GRIK1: variants seen among roughly 807,000 people sequenced by gnomAD.
GRIK1 encodes the protein glutamate ionotropic receptor kainate type subunit 1, also known as glutamate receptor ionotropic, kainate 1.
Under a neutral mutation model 105.7 loss-of-function variants are expected in GRIK1, and 69 were observed. The observed-to-expected ratio is 0.65, with a 90% CI of 0.54 to 0.80. The LOEUF is 0.80. Ranked by LOEUF, GRIK1 falls within the 30% of genes least tolerant of loss-of-function variation. GRIK1 has a pLI of 0.00. For synonymous variants in GRIK1, 438 were observed against 431.3 expected (o/e 1.02, Z -0.19); for missense variants, 1,109 against 1,167.3 (o/e 0.95, Z 0.73).
At chr21:29,907,772 A>T (rs1208065744) in intron 1 of GRIK1, among the ~76,000 whole-genome samples, 1 of 152,170 alleles carries the variant, frequency 6.6e-6, no homozygotes, top group African/African-American at 2.4e-5. Context: ...ATGCTAGTGA[A>T]TTAAAAAACA....
chr21:29,841,760 T>C (rs2067989772), intron 1 of GRIK1, among the ~76,000 whole-genome samples: 1 of 152,190 alleles, frequency 6.6e-6, no homozygotes, highest in Admixed American at 6.5e-5. Context: ...GTTTATAGTT[T>C]TGACAAATTT....
chr21:29,904,738 T>C lies in GRIK1; in HGVS notation c.118+34645A>G, dbSNP rs4602293. ...TGTGGCAGAGCTATGGAAAGCACCC[T>C]ACCAAGGGCTGGAACCAGGAAGTGT... On this transcript the variant is annotated intron_variant, in intron 1 of 17. Transcript: ENST00000327783. Among the ~76,000 whole-genome samples, 1,123 of 152,274 alleles carry C rather than the reference T, an allele frequency of 7.4e-3. 12 individuals are homozygous for C. Among genetic ancestry groups the C allele is most frequent in the African/African-American group, 0.023 (952 of 41,546 alleles).
At chr21:29,707,448 C>CT (rs1171755410) in intron 1 of GRIK1, among the ~76,000 whole-genome samples, 4 of 93,430 alleles carry the variant, frequency 4.3e-5, no homozygotes, top group Admixed American at 1.1e-4. Context: ...CCCTCCCTCC[C>CT]TCCCTCCCTC....
At chr21:29,895,487 T>C (rs1307116611) in intron 1 of GRIK1, among the ~76,000 whole-genome samples, 1 of 152,190 alleles carries the variant, frequency 6.6e-6, no homozygotes, top group Non-Finnish European at 1.5e-5. Flanking sequence ...AAAGATTTTT[T>C]AATGGTTACA....
chr21:29,628,063 A>C (rs759922998), intron 7 of GRIK1, among the ~76,000 whole-genome samples: 7 of 152,206 alleles, frequency 4.6e-5, no homozygotes, highest in Non-Finnish European at 1.0e-4. Flanking sequence ...ATAACTGTAC[A>C]ATTACTGTCT....
intron 7 of GRIK1, among the ~76,000 whole-genome samples, chr21:29,628,248 G>A (rs901799912): frequency 6.6e-6 from 1 of 152,154 alleles, no homozygotes; most frequent in Non-Finnish European, 1.5e-5. Flanking sequence ...TTAAGCAAAG[G>A]AAGAAATGAT....
At chr21:29,638,249 G>C (rs537234687) in intron 7 of GRIK1, among the ~76,000 whole-genome samples, 2 of 152,208 alleles carry the variant, frequency 1.3e-5, no homozygotes, top group Non-Finnish European at 2.9e-5. Context: ...TGGCGGAAGG[G>C]GAAGTAGGTA....
At position 29,625,402 on chromosome 21, in the gene GRIK1, G is replaced by A. The variant is rs139128936; in HGVS notation, c.1098+17424C>T. Among the ~76,000 whole-genome samples, 167 of 152,242 alleles carry A rather than the reference G, an allele frequency of 1.1e-3. 7 individuals are homozygous for A. The East Asian group carries it at 0.03, about 28-fold the overall frequency. ...TGTTCTGGATCCTTAGTAGAGCATAGAAGGCCCTTGATTATCTGGCCTCTG... is the reference window on the plus strand; with the variant it reads ...TGTTCTGGATCCTTAGTAGAGCATAAAAGGCCCTTGATTATCTGGCCTCTG... On this transcript the variant is annotated intron_variant, in intron 7 of 17. Coordinates refer to ENST00000327783, the MANE Select transcript of GRIK1 (RefSeq NM_001330994.2).
At chr21:29,696,456 C>G (rs1452283589) in intron 1 of GRIK1, among the ~76,000 whole-genome samples, 1 of 152,184 alleles carries the variant, frequency 6.6e-6, no homozygotes, top group Non-Finnish European at 1.5e-5. Flanking sequence ...GGGAGAGACT[C>G]TGGAGTTGAT....
intron 1 of GRIK1, among the ~76,000 whole-genome samples, chr21:29,784,282 A>G (rs1397755165): frequency 6.6e-6 from 1 of 152,202 alleles, no homozygotes. Flanking sequence ...GTACAAGCTT[A>G]TTTTGTACCT....
intron 1 of GRIK1, among the ~76,000 whole-genome samples, chr21:29,856,702 T>G (rs2068474952): frequency 6.6e-6 from 1 of 152,214 alleles, no homozygotes; most frequent in East Asian, 1.9e-4. Flanking sequence ...AAAAGGCTTA[T>G]CAATAATTTA....
chr21:29,596,827 A>T lies in GRIK1; in HGVS notation c.1207-257T>A, dbSNP rs2061423395. ...CTTTCACACACCAAGAAATGCCTTA[A>T]AGTGCTTTTCAATGTATACAGGTAT... is the stretch of plus-strand genomic sequence containing the variant. On this transcript the variant is annotated intron_variant, in intron 8 of 17. Coordinates refer to ENST00000327783, the MANE Select transcript of GRIK1 (RefSeq NM_001330994.2). 3 of 498,272 alleles carry T rather than the reference A, an allele frequency of 6.0e-6. No individual in the cohort carries two copies. In the East Asian group the frequency reaches 1.1e-4, roughly 19 times the overall value. 30.9% of individuals were successfully genotyped at this position (498,272 alleles called of 1,614,324 possible).
chr21:29,592,523 T>A (rs2061347673), intron 9 of GRIK1, among the ~76,000 whole-genome samples: 1 of 152,220 alleles, frequency 6.6e-6, no homozygotes, highest in Non-Finnish European at 1.5e-5. Context: ...CCTATCTTTC[T>A]GTAGGCATTT....
In GRIK1 at chr21:29,543,216, T is replaced by TA. The variant is rs148571036; in HGVS notation, c.2608-5333dup. Among the ~76,000 whole-genome samples the TA allele has an allele frequency of 6.8e-3, 1,038 of 152,312 alleles. 15 individuals carry two copies. Among genetic ancestry groups the TA allele is most frequent in the African/African-American group, 0.024 (987 of 41,580 alleles). On this transcript the variant is annotated intron_variant, in intron 16 of 17. Transcript: ENST00000327783. ...AAAACTTCACTTCCTTAACATTTTT[T>TA]AACTCTAAGCTCTAGTGTAGGAGCA...
chr21:29,618,783 A>C (rs975310666), intron 7 of GRIK1, among the ~76,000 whole-genome samples: 1 of 152,208 alleles, frequency 6.6e-6, no homozygotes, highest in South Asian at 2.1e-4. Flanking sequence ...CAAACAATGT[A>C]TGTTCTCACT....
In GRIK1 at chr21:29,670,031, A is replaced by G. The variant is rs910855476; in HGVS notation, c.726+2952T>C. On this transcript the variant is annotated intron_variant, in intron 4 of 17. Coordinates refer to ENST00000327783, the MANE Select transcript of GRIK1 (RefSeq NM_001330994.2). ...AGCACAGCAGCCTCTGGAGGTTCCA[A>G]TGAAGCCCCATTAAGCTGACCTGAG... Among the ~76,000 whole-genome samples the G allele has an allele frequency of 5.3e-5, 8 of 152,286 alleles. No homozygotes were observed. The East Asian group carries it at 1.4e-3, about 26-fold the overall frequency.
rs892689523 is a variant in GRIK1 at position 29,787,089 on chromosome 21, T to C, written c.119-93026A>G. ...TTCAAATACATATTTACGATGTCAT[T>C]GTCTGTGCTCAAGCAGGCGATTTTA... On this transcript the variant is annotated intron_variant, in intron 1 of 17. Transcript: ENST00000327783. Among the ~76,000 whole-genome samples, 6 of 152,340 alleles carry C rather than the reference T, an allele frequency of 3.9e-5. No homozygotes were observed. The South Asian group carries it at 1.2e-3, about 32-fold the overall frequency.
chr21:29,600,398 A>G (rs2061497043), intron 7 of GRIK1, among the ~76,000 whole-genome samples: 1 of 152,208 alleles, frequency 6.6e-6, no homozygotes, highest in South Asian at 2.1e-4. Flanking sequence ...ATTAAATAAA[A>G]AGCGGTGGCC....
chr21:29,774,469 T>C (rs1196017456), intron 1 of GRIK1, among the ~76,000 whole-genome samples: 21 of 92,148 alleles, frequency 2.3e-4, no homozygotes, highest in Non-Finnish European at 4.1e-4. Context: ...TTTTTTTTTC[T>C]GAGACGGAGT....
Sources: allele counts gnomAD v4.1 joint callset (sites outside exome capture counted in the v4.1 genomes callset), GRCh38; gene constraint gnomAD v4.1.1; transcripts MANE v1.5; gene names NCBI Gene and HGNC (gene_info 2026-07-23, HGNC 2026-07-21).